Variants in DLGAP1 observed in about 807,000 individuals in gnomAD.
The protein encoded by DLGAP1 is disks large-associated protein 1.
In DLGAP1, 11 loss-of-function variants were observed where a neutral mutation model predicts 90.8. The ratio of observed to expected loss-of-function variants is 0.12; its 90% CI spans 0.08 to 0.20. DLGAP1 has a LOEUF of 0.20. DLGAP1 is among the 10% of genes least tolerant of loss of function. The probability of loss-of-function intolerance (pLI) is 1.00; values close to 1 mark genes in which losing one functional copy is unlikely to be tolerated. For synonymous variants in DLGAP1, 558 were observed against 540.7 expected, an observed-to-expected ratio of 1.03 and a Z score of -0.44; for missense variants, 1,050 against 1,333.8, an observed-to-expected ratio of 0.79 and a Z score of 3.31.
intron 9 of DLGAP1, among the ~76,000 whole-genome samples, chr18:3,558,174 T>C (rs930978454): frequency 2.6e-5 from 4 of 152,196 alleles, no homozygotes; most frequent in African/African-American, 9.6e-5. Flanking sequence ...CCAATTATAA[T>C]AGTAGATACA....
At chr18:3,920,028 T>C (rs989322749) in intron 3 of DLGAP1, among the ~76,000 whole-genome samples, 1 of 152,140 alleles carries the variant, frequency 6.6e-6, no homozygotes, top group Non-Finnish European at 1.5e-5. Context: ...TCAAACACCT[T>C]GAATGTAAAA....
At chr18:4,058,819 C>A (rs1234601988) in intron 2 of DLGAP1, among the ~76,000 whole-genome samples, 1 of 152,180 alleles carries the variant, frequency 6.6e-6, no homozygotes, top group South Asian at 2.1e-4. Context: ...ATTCTTGCAG[C>A]AGCTAGCTGC....
rs1195849874 is a variant in DLGAP1, at chr18:3,498,928, T to A, written c.*257A>T. On this transcript the variant is annotated 3_prime_UTR_variant, in exon 13 of 13. Coordinates refer to ENST00000315677, the MANE Select transcript of DLGAP1 (RefSeq NM_004746.4). The stretch of plus-strand genomic sequence containing the variant: ...TGCCCAGAAAATAAAGGGTTGGATC[T>A]CAGTATGAGGCAGGGCGACGGCATC... 25 of 505,824 alleles carry A rather than the reference T, an allele frequency of 4.9e-5. No individual in the cohort carries two copies. Among genetic ancestry groups the A allele is most frequent in the Non-Finnish European group, 3.5e-6 (1 of 289,404 alleles). The allele number at this position is 505,824 out of a possible 1,614,324, so 31.3% of individuals were successfully genotyped here. A position where few individuals can be genotyped will look rare whatever the true frequency, so the allele number is the denominator to read the frequency against.
At chr18:4,435,510 G>A (rs1371068057) in intron 1 of DLGAP1, among the ~76,000 whole-genome samples, 4 of 151,992 alleles carry the variant, frequency 2.6e-5, no homozygotes, top group African/African-American at 7.3e-5. Flanking sequence ...GAGGGGAAAC[G>A]GAAATAGAAA....
In DLGAP1 at chr18:4,322,702, G is replaced by A. The variant is rs762855607; in HGVS notation, c.-267+132304C>T. ...AGAGGCCAGACGTGGTGGCTCACGC[G>A]TGTAATCCCAGCACTTTGGGAGGCC... On this transcript the variant is annotated intron_variant, in intron 1 of 12. Transcript: ENST00000315677. Among the ~76,000 whole-genome samples the A allele has an allele frequency of 3.3e-5, 5 of 152,044 alleles. No homozygotes were observed. In the East Asian group the frequency reaches 5.8e-4, roughly 18 times the overall value.
intron 1 of DLGAP1, among the ~76,000 whole-genome samples, chr18:4,197,188 TAAA>T (rs532844849): frequency 1.4e-5 from 1 of 73,748 alleles, no homozygotes; most frequent in South Asian, 5.2e-4. Flanking sequence ...TAAAAAAAAG[TAAA>T]AAAAAAAAAA....
At chr18:4,314,857 T>C (rs2080487700) in intron 1 of DLGAP1, among the ~76,000 whole-genome samples, 1 of 152,142 alleles carries the variant, frequency 6.6e-6, no homozygotes, top group South Asian at 2.1e-4. Context: ...ATAAGTGAAA[T>C]ACCCAGAGCC....
intron 1 of DLGAP1, among the ~76,000 whole-genome samples, chr18:4,179,988 A>G (rs188864218): frequency 2.6e-5 from 4 of 152,282 alleles, no homozygotes; most frequent in Admixed American, 6.5e-5. Flanking sequence ...GTCCTTATAA[A>G]TAAGTCTTCT....
intron 5 of DLGAP1, among the ~76,000 whole-genome samples, chr18:3,754,851 G>A (rs751183592): frequency 2.6e-5 from 4 of 151,716 alleles, no homozygotes; most frequent in Non-Finnish European, 5.9e-5. Flanking sequence ...AGCAGAGATC[G>A]TGCCACTACA....
chr18:3,527,558 T>G (rs1330714654), intron 10 of DLGAP1, among the ~76,000 whole-genome samples: 1 of 151,388 alleles, frequency 6.6e-6, no homozygotes, highest in Non-Finnish European at 1.5e-5. Context: ...TGAGTTTTTG[T>G]TTTTTTAGTT....
intron 3 of DLGAP1, among the ~76,000 whole-genome samples, chr18:3,899,681 C>A (rs2071739895): frequency 1.3e-5 from 2 of 152,134 alleles, no homozygotes. Flanking sequence ...CATCTTTAAC[C>A]AGAAGGAAGC....
chr18:3,796,403 T>C (rs552268188), intron 5 of DLGAP1, among the ~76,000 whole-genome samples: 1 of 152,328 alleles, frequency 6.6e-6, no homozygotes, highest in African/African-American at 2.4e-5. Context: ...AGGGGCTGTT[T>C]AATAATCAAA....
intron 1 of DLGAP1, among the ~76,000 whole-genome samples, chr18:4,184,288 C>A (rs1022840419): frequency 6.6e-6 from 1 of 152,092 alleles, no homozygotes; most frequent in Admixed American, 6.6e-5. Context: ...AAAGCCATAG[C>A]CATCCTGACA....
chr18:3,581,968 G>C lies in DLGAP1; in HGVS notation c.1872C>G (p.Thr624=). 1 of 1,613,942 alleles carries C rather than the reference G, an allele frequency of 6.2e-7. No homozygotes were observed. The highest frequency in any genetic ancestry group is 1.7e-5 in the Admixed American group (1 of 59,998). The stretch of plus-strand genomic sequence containing the variant: ...TGGCTATGGTAGTCGTGGTGGTGAC[G>C]GTGGCAGTGTTATTGCCCATGTGTT... ...ASQHMGNNTA[T]VTTTTTIATV... The change falls in exon 8 of 13, where the codon ACC becomes ACG. Residue 624 remains threonine (T), a synonymous_variant. Coordinates refer to ENST00000315677, the MANE Select transcript of DLGAP1 (RefSeq NM_004746.4).
chr18:3,752,435 T>C (rs2063537155), intron 5 of DLGAP1, among the ~76,000 whole-genome samples: 1 of 152,088 alleles, frequency 6.6e-6, no homozygotes, highest in Non-Finnish European at 1.5e-5. Context: ...TTCATGTACA[T>C]GGAATCATAC....
At chr18:3,514,940 G>T (rs201988411) in intron 10 of DLGAP1, among the ~76,000 whole-genome samples, 2 of 152,032 alleles carry the variant, frequency 1.3e-5, no homozygotes, top group Non-Finnish European at 2.9e-5. Flanking sequence ...ACAGGATCTC[G>T]CTATGTTGCC....
intron 1 of DLGAP1, among the ~76,000 whole-genome samples, chr18:4,413,214 T>A (rs144358132): frequency 1.4e-3 from 208 of 152,150 alleles, no homozygotes; most frequent in African/African-American, 4.5e-3. Context: ...AGAAAGGACA[T>A]GAGGAGGAGC....
At chr18:3,551,694 CCCT>C (rs1438738414) in intron 9 of DLGAP1, among the ~76,000 whole-genome samples, 1 of 10,786 alleles carries the variant, frequency 9.3e-5, no homozygotes. Context: ...CTCCCTCCCT[CCCT>C]CCCTCCCTCC....
intron 5 of DLGAP1, among the ~76,000 whole-genome samples, chr18:3,745,759 A>G (rs3786448): frequency 0.4 from 61,060 of 151,538 alleles, 14,022 homozygotes; most frequent in African/African-American, 0.63. Context: ...GTGCGATCTC[A>G]GCTCACTGCA....
Sources: allele counts gnomAD v4.1 joint callset (sites outside exome capture counted in the v4.1 genomes callset), GRCh38; gene constraint gnomAD v4.1.1; transcripts MANE v1.5; gene names NCBI Gene and HGNC (gene_info 2026-07-23, HGNC 2026-07-21).